WWC2: variants seen among roughly 807,000 people sequenced by gnomAD.
WWC2 encodes the protein protein WWC2.
WWC2 carries 101 observed loss-of-function variants against 138.5 expected under a neutral mutation model. The ratio of observed to expected loss-of-function variants is 0.73; its 90% confidence interval spans 0.62 to 0.86. WWC2 has a LOEUF of 0.86. WWC2 is among the 40% of genes least tolerant of loss of function. WWC2 has a pLI of 0.00. For missense variants in WWC2, 1,420 were observed against 1,419.4 expected, an observed-to-expected ratio of 1.00 and a Z score of -0.01; for synonymous variants, 558 against 538.4, an observed-to-expected ratio of 1.04 and a Z score of -0.50.
intron 1 of WWC2, among the ~76,000 whole-genome samples, chr4:183,128,869 C>A (rs989962516): frequency 5.3e-5 from 8 of 152,170 alleles, no homozygotes; most frequent in African/African-American, 1.9e-4. Flanking sequence ...TGTATCTGAA[C>A]AAGGTATTTA....
intron 17 of WWC2, chr4:183,282,497 A>G (rs1041609581): frequency 1.1e-5 from 6 of 555,796 alleles, no homozygotes; most frequent in Non-Finnish European, 1.3e-5. Context: ...ACTTTTTAGT[A>G]CCACATTATG....
rs562411817 is a variant in WWC2 at position 183,251,442 on chromosome 4, G to A, written c.953+1449G>A. ...TCGGGCTTGACTCTTGCTTCCCATG[G>A]ATCAGCTTCAACTTTCACCCTCCTT... is the stretch of plus-strand genomic sequence containing the variant. On this transcript the variant is annotated intron_variant, in intron 8 of 22. Coordinates refer to ENST00000403733, the MANE Select transcript of WWC2 (RefSeq NM_024949.6). 1.1e-4 allele frequency among the ~76,000 whole-genome samples: 16 copies of A among 152,296 alleles called. 1 individual carries two copies. The highest frequency in any genetic ancestry group is 3.4e-3 in the Middle Eastern group (1 of 294).
intron 9 of WWC2, among the ~76,000 whole-genome samples, chr4:183,256,884 G>GCCCCCC (rs60733090): frequency 1.2e-5 from 1 of 81,154 alleles, no homozygotes; most frequent in Non-Finnish European, 2.2e-5. Context: ...TGATCCTACA[G>GCCCCCC]CCCCCCCCCC....
At chr4:183,231,507 T>C (rs971135000) in intron 4 of WWC2, among the ~76,000 whole-genome samples, 1 of 151,980 alleles carries the variant, frequency 6.6e-6, no homozygotes, top group East Asian at 1.9e-4. Context: ...CGACCTCAAG[T>C]GATCCACCTG....
intron 21 of WWC2, among the ~76,000 whole-genome samples, chr4:183,308,864 C>A (rs1287657253): frequency 1.3e-5 from 2 of 151,902 alleles, no homozygotes; most frequent in East Asian, 3.8e-4. Flanking sequence ...CATTTTTTTC[C>A]CAAATATTTT....
intron 1 of WWC2, among the ~76,000 whole-genome samples, chr4:183,171,160 T>C (rs962148252): frequency 6.6e-6 from 1 of 152,224 alleles, no homozygotes; most frequent in African/African-American, 2.4e-5. Context: ...TGCATGTGCC[T>C]TATCTTTCCA....
intron 1 of WWC2, among the ~76,000 whole-genome samples, chr4:183,185,067 G>T (rs994289592): frequency 2.0e-5 from 3 of 151,900 alleles, no homozygotes; most frequent in Non-Finnish European, 4.4e-5. Context: ...GTGAACTTCT[G>T]GTCCCTGAAG....
chr4:183,152,544 A>C (rs559413547), intron 1 of WWC2, among the ~76,000 whole-genome samples: 44 of 151,608 alleles, frequency 2.9e-4, no homozygotes, highest in Admixed American at 2.6e-3. Flanking sequence ...AAAAAAAAAA[A>C]AACGCACACA....
chr4:183,199,083 T>G (rs949454023), intron 2 of WWC2, among the ~76,000 whole-genome samples: 1 of 152,108 alleles, frequency 6.6e-6, no homozygotes. Flanking sequence ...ACCAAAGAGA[T>G]GACTGAGTTA....
rs1441299381 is a variant in WWC2, at chr4:183,282,789, T to TA, written c.2767dup (p.Thr923AsnfsTer9). 1 of 1,583,788 alleles carries TA rather than the reference T, an allele frequency of 6.3e-7. No homozygotes were observed. Among genetic ancestry groups the TA allele is most frequent in the Admixed American group, 1.8e-5 (1 of 55,122 alleles). On this transcript the variant is annotated frameshift_variant, in exon 18 of 23. Coordinates refer to ENST00000403733, the MANE Select transcript of WWC2 (RefSeq NM_024949.6). LOFTEE classifies it high-confidence loss of function. ...TTAAATTGCCAGAGGACAGTAGCTG[T>TA]ACAGAAGATTTAAGTTCATGCACTA... is the stretch of plus-strand genomic sequence containing the variant.
intron 2 of WWC2, 135 bp from the exon 3 acceptor site, chr4:183,207,817 TG>T: frequency 2.7e-6 from 2 of 733,200 alleles, no homozygotes; most frequent in Non-Finnish European, 4.2e-6. Context: ...CTAAAATTTC[TG>T]GAGAAGTCAC....
intron 21 of WWC2, among the ~76,000 whole-genome samples, chr4:183,292,474 T>C (rs1376429563): frequency 6.6e-6 from 1 of 152,132 alleles, no homozygotes; most frequent in African/African-American, 2.4e-5. Flanking sequence ...CACTGAACTT[T>C]AGCCTGAGTG....
Position 183,319,913 on chromosome 4 carries a change from C to T in WWC2, c.*4184C>T, listed in dbSNP as rs1460330747. ...GACTCTCTCCAATTCTCAAACAGTC[C>T]AGGCCAAACCCAGAGACCAGCAGGC... On this transcript the variant is annotated 3_prime_UTR_variant, in exon 23 of 23. Transcript: ENST00000403733. The T allele has an allele frequency of 6.2e-7, 1 of 1,613,844 alleles. No individual in the cohort carries two copies. Among genetic ancestry groups the T allele is most frequent in the South Asian group, 1.1e-5 (1 of 91,048 alleles).
In WWC2 at chr4:183,286,011, A is replaced by C. The variant is rs780056627; in HGVS notation, c.3093A>C (p.Ser1031=). The change falls in exon 20 of 23, where the codon TCA becomes TCC. Residue 1031 remains serine (S), a synonymous_variant. Coordinates refer to ENST00000403733, the MANE Select transcript of WWC2 (RefSeq NM_024949.6). ...DSDSSTLAKK[S]LFVRNSTERR... ...ACAGTTCAACCCTGGCTAAAAAATC[A>C]CTGTTTGTGAGAAACTCCACCGAAC... 2 of 1,595,640 alleles carry C rather than the reference A, an allele frequency of 1.3e-6. No individual in the cohort carries two copies. The highest frequency in any genetic ancestry group is 3.5e-5 in the Admixed American group (2 of 57,366).
intron 1 of WWC2, among the ~76,000 whole-genome samples, chr4:183,103,823 A>G (rs1411315188): frequency 1.3e-5 from 2 of 148,570 alleles, no homozygotes; most frequent in East Asian, 4.1e-4. Flanking sequence ...TTTGGTAGAG[A>G]TGGGGTTTCA....
At chr4:183,196,360 T>C (rs1735142948) in intron 2 of WWC2, among the ~76,000 whole-genome samples, 1 of 152,340 alleles carries the variant, frequency 6.6e-6, no homozygotes, top group African/African-American at 2.4e-5. Context: ...CTTTACTCTT[T>C]GGATTTTGTG....
At chr4:183,283,086 A>T (rs1452085086) in intron 18 of WWC2, among the ~76,000 whole-genome samples, 180 bp downstream of exon 18, 2 of 152,242 alleles carry the variant, frequency 1.3e-5, no homozygotes, top group African/African-American at 4.8e-5. Context: ...TTAACGTTTT[A>T]AAATGGGCCC....
intron 4 of WWC2, among the ~76,000 whole-genome samples, chr4:183,221,414 T>G (rs1735933445): frequency 1.3e-5 from 2 of 152,186 alleles, no homozygotes; most frequent in Non-Finnish European, 2.9e-5. Flanking sequence ...ACAGACCAAC[T>G]TGATCCAATT....
At chr4:183,132,081 A>G (rs1391858950) in intron 1 of WWC2, among the ~76,000 whole-genome samples, 2 of 152,194 alleles carry the variant, frequency 1.3e-5, no homozygotes, top group African/African-American at 2.4e-5. Context: ...TGTTGTCTTC[A>G]ATATTATAGT....
Sources: allele counts gnomAD v4.1 joint callset (sites outside exome capture counted in the v4.1 genomes callset), GRCh38; gene constraint gnomAD v4.1.1; transcripts MANE v1.5; gene names NCBI Gene and HGNC (gene_info 2026-07-23, HGNC 2026-07-21).